Variants in KIF20B observed in about 807,000 individuals in gnomAD.
KIF20B encodes kinesin-like protein KIF20B.
Under a neutral mutation model 232.5 loss-of-function variants are expected in KIF20B, and 188 were observed. That is an observed-to-expected ratio of 0.81 (90% CI 0.72 to 0.91). The LOEUF is 0.91. KIF20B is among the 40% of genes least tolerant of loss of function. The pLI is 0.00. For missense variants in KIF20B, 2,154 were observed against 2,055.9 expected (o/e 1.05, Z -0.92); for synonymous variants, 712 against 683.0 (o/e 1.04, Z -0.66).
chr10:89,729,279 A>G lies in KIF20B; in HGVS notation c.2391+32A>G, dbSNP rs1406494334. 5 of 1,426,272 alleles carry G rather than the reference A, an allele frequency of 3.5e-6. No individual in the cohort carries two copies. In the East Asian group the frequency reaches 8.1e-5, roughly 23 times the overall value. 88.4% of individuals were successfully genotyped at this position (1,426,272 alleles called of 1,614,324 possible). A position where few individuals can be genotyped will look rare whatever the true frequency, so the allele number is the denominator to read the frequency against. On this transcript the variant is annotated intron_variant, in intron 18 of 32. Coordinates refer to ENST00000371728, the MANE Select transcript of KIF20B (RefSeq NM_001284259.2). ...ATTTAACCTTGTGTTATATTAATAA[A>G]TTAGATAAGCATATGTTTTGGTTGA...
intron 29 of KIF20B, among the ~76,000 whole-genome samples, chr10:89,764,826 T>A (rs1402172024): frequency 6.6e-6 from 1 of 152,088 alleles, no homozygotes; most frequent in Non-Finnish European, 1.5e-5. Context: ...GTTGCGAAAA[T>A]TTTCTCCCAT....
At chr10:89,770,902 T>G (rs1230363730) in intron 31 of KIF20B, among the ~76,000 whole-genome samples, 1 of 152,106 alleles carries the variant, frequency 6.6e-6, no homozygotes, top group African/African-American at 2.4e-5. Context: ...GATCCTTTAA[T>G]GATTTCTCAT....
chr10:89,730,163 T>G (rs1273710612), intron 18 of KIF20B, among the ~76,000 whole-genome samples: 1 of 152,206 alleles, frequency 6.6e-6, no homozygotes, highest in African/African-American at 2.4e-5. Context: ...TAATCTCCTA[T>G]AGTAGGCCTT....
intron 19 of KIF20B, among the ~76,000 whole-genome samples, chr10:89,734,902 C>T (rs931153028): frequency 3.3e-5 from 5 of 152,194 alleles, no homozygotes; most frequent in African/African-American, 1.2e-4. Flanking sequence ...TCACTGTCAA[C>T]TTCTAGAAAT....
At position 89,754,588 on chromosome 10, in the gene KIF20B, C is replaced by A; in HGVS notation, c.4418C>A (p.Ala1473Glu). The change falls in exon 26 of 33, where the codon GCG becomes GAG. Residue 1473 changes from alanine to glutamate, a missense_variant. Physicochemically the swap from Ala to Glu is moderately radical, Grantham distance 107. Transcript: ENST00000371728. ...GAAAAAATGATGCTTATCACTCAAGCGAAAGAAGCAGAGAATATACGAAAT... is the reference window on the plus strand; with the variant it reads ...GAAAAAATGATGCTTATCACTCAAGAGAAAGAAGCAGAGAATATACGAAAT... ...LEEKMMLITQAKEAENIRNKE... is the reference protein window; with the variant it reads ...LEEKMMLITQEKEAENIRNKE... The A allele has an allele frequency of 1.2e-6, 2 of 1,602,296 alleles. No individual in the cohort carries two copies. The highest frequency in any genetic ancestry group is 1.7e-6 in the Non-Finnish European group (2 of 1,174,026).
chr10:89,703,156 G>A (rs1303509629), intron 1 of KIF20B, among the ~76,000 whole-genome samples: 1 of 152,028 alleles, frequency 6.6e-6, no homozygotes, highest in Non-Finnish European at 1.5e-5. Context: ...AGTTTTCTGG[G>A]CATTTCCATG....
chr10:89,764,613 C>T (rs1012338765), intron 29 of KIF20B, among the ~76,000 whole-genome samples: 4 of 152,030 alleles, frequency 2.6e-5, no homozygotes, highest in East Asian at 1.9e-4. Flanking sequence ...TGGTATCTCA[C>T]TGTGGTTTTG....
intron 23 of KIF20B, among the ~76,000 whole-genome samples, chr10:89,748,616 CCTTT>C (rs1182169896): frequency 6.6e-6 from 1 of 152,012 alleles, no homozygotes; most frequent in Non-Finnish European, 1.5e-5. Context: ...TTTTCTTCTG[CCTTT>C]CTTAGGCCTT....
intron 26 of KIF20B, among the ~76,000 whole-genome samples, chr10:89,757,119 G>C (rs1842145847): frequency 1.4e-5 from 2 of 145,298 alleles, no homozygotes; most frequent in African/African-American, 5.0e-5. Context: ...TGAAATTCTA[G>C]TAGAATGCTG....
At position 89,758,713 on chromosome 10, in the gene KIF20B, T is replaced by C. The variant is rs751407460; in HGVS notation, c.4511T>C (p.Leu1504Pro). 94 of 1,580,650 alleles carry C rather than the reference T, an allele frequency of 5.9e-5. No homozygotes were observed. The highest frequency in any genetic ancestry group is 8.1e-5 in the Non-Finnish European group (94 of 1,166,944). ...TCTTTATTTCCTGATTAGGAAATAC[T>C]GACAGCCCAGCTGACAGAGAAAGAT... Reference protein sequence around the residue: ...FFKQQNEMEILTAQLTEKDSD... With the variant: ...FFKQQNEMEIPTAQLTEKDSD... The change falls in exon 27 of 33, where the codon CTG becomes CCG. Residue 1504 changes from leucine (L) to proline (P), a missense_variant. Leu to Pro is a moderately conservative substitution (Grantham distance 98, BLOSUM62 -3). Coordinates refer to ENST00000371728, the MANE Select transcript of KIF20B (RefSeq NM_001284259.2).
chr10:89,736,567 T>C (rs1170800667), intron 19 of KIF20B, among the ~76,000 whole-genome samples: 4 of 152,218 alleles, frequency 2.6e-5, no homozygotes, highest in African/African-American at 9.6e-5. Flanking sequence ...TAACTCATTT[T>C]AGTCTCTTAG....
intron 17 of KIF20B, 63 bp downstream of exon 17, chr10:89,727,959 TGAC>T (rs1365432089): frequency 9.8e-5 from 133 of 1,362,066 alleles, no homozygotes; most frequent in Non-Finnish European, 1.3e-4. Flanking sequence ...GTATGAATGA[TGAC>T]TAGATTTGTT....
At chr10:89,752,728 C>G (rs1564672190) in intron 25 of KIF20B, 37 bp downstream of exon 25, 1 of 1,404,690 alleles carries the variant, frequency 7.1e-7, no homozygotes, top group Non-Finnish European at 9.5e-7. Flanking sequence ...ATGAATGTAT[C>G]TGTCTTCATT....
chr10:89,721,531 A>G (rs1843056363), intron 13 of KIF20B, among the ~76,000 whole-genome samples: 1 of 152,112 alleles, frequency 6.6e-6, no homozygotes, highest in Non-Finnish European at 1.5e-5. Flanking sequence ...TTAGTTAGGC[A>G]TGATGATGCA....
rs769419161 is a variant in KIF20B at position 89,709,985 on chromosome 10, TA to T, written c.414del (p.Asp139ThrfsTer3). On this transcript the variant is annotated frameshift_variant, in exon 5 of 33. Transcript: ENST00000371728. LOFTEE classifies it high-confidence loss of function. ...EFFQGCIMQP[V>X]KDLLKGQSRL... ...TTTCAGGGTTGCATTATGCAACCAG[TA>T]AAAGACCTCTTGAAAGGACAGAGTC... 8 of 1,612,742 alleles carry T rather than the reference TA, an allele frequency of 5.0e-6. No homozygotes were observed. Among genetic ancestry groups the T allele is most frequent in the Non-Finnish European group, 6.8e-6 (8 of 1,179,432 alleles).
chr10:89,716,453 G>A lies in KIF20B; in HGVS notation c.958G>A (p.Val320Ile). Residue 320 changes from valine (V) to isoleucine (I), a missense_variant, in exon 9 of 33, where the codon GTA (valine) becomes ATA (isoleucine). Coordinates refer to ENST00000371728, the MANE Select transcript of KIF20B (RefSeq NM_001284259.2). ...TTTTAAAGATCTACAATGGATTCAA[G>A]TATCTGATTCCAAAGAAGCCTATAG... is the stretch of plus-strand genomic sequence containing the variant. ...SFIKDLQWIQ[V>I]SDSKEAYRLL... 2 of 1,500,636 alleles carry A rather than the reference G, an allele frequency of 1.3e-6. No homozygotes were observed. Among genetic ancestry groups the A allele is most frequent in the East Asian group, 2.3e-5 (1 of 44,218 alleles). 93.0% of individuals were successfully genotyped at this position (1,500,636 alleles called of 1,614,324 possible).
chr10:89,758,547 G>A (rs1221849395), intron 26 of KIF20B, among the ~76,000 whole-genome samples, 159 bp from the exon 27 acceptor site: 1 of 152,014 alleles, frequency 6.6e-6, no homozygotes, highest in African/African-American at 2.4e-5. Context: ...AAAATGATAT[G>A]TGTTGTTTTA....
intron 17 of KIF20B, among the ~76,000 whole-genome samples, chr10:89,728,277 A>G (rs1843232596): frequency 6.6e-6 from 1 of 152,146 alleles, no homozygotes; most frequent in Non-Finnish European, 1.5e-5. Context: ...AGTTGTACCA[A>G]TTACCTTAAG....
intron 21 of KIF20B, among the ~76,000 whole-genome samples, chr10:89,742,699 C>CTTTT (rs34668146): frequency 5.1e-5 from 6 of 118,258 alleles, no homozygotes; most frequent in African/African-American, 6.5e-5. Context: ...ATCTTCAAGC[C>CTTTT]TTTTTTTTTT....
Sources: allele counts gnomAD v4.1 joint callset (sites outside exome capture counted in the v4.1 genomes callset), GRCh38; gene constraint gnomAD v4.1.1; transcripts MANE v1.5; gene names NCBI Gene and HGNC (gene_info 2026-07-23, HGNC 2026-07-21).